The following ATE1 variants were observed in gnomAD, a reference collection of about 807,000 sequenced individuals.
ATE1 encodes the protein arginyltransferase 1.
A neutral mutation model predicts 70.5 loss-of-function variants in ATE1; 36 were observed. The ratio of observed to expected loss-of-function variants is 0.51; its 90% CI spans 0.39 to 0.67. ATE1 has a LOEUF of 0.67. ATE1 is among the 30% of genes least tolerant of loss of function. ATE1 has a pLI of 0.00. For synonymous variants in ATE1, 232 were observed against 219.3 expected (o/e 1.06, Z -0.51); for missense variants, 593 against 629.5 (o/e 0.94, Z 0.62).
intron 10 of ATE1, among the ~76,000 whole-genome samples, chr10:121,815,426 C>T (rs1472928655): frequency 1.1e-4 from 17 of 152,294 alleles, no homozygotes; most frequent in African/African-American, 3.1e-4. Flanking sequence ...TGAGCCACCG[C>T]GCCCGGCCGG....
At chr10:121,789,316 T>TTTTTA (rs1946339293) in intron 11 of ATE1, among the ~76,000 whole-genome samples, 3 of 149,152 alleles carry the variant, frequency 2.0e-5, no homozygotes, top group African/African-American at 5.0e-5. Flanking sequence ...TTTTTTTTTT[T>TTTTTA]GAGACAGAGT....
intron 11 of ATE1, among the ~76,000 whole-genome samples, chr10:121,750,890 G>C (rs1481046287): frequency 6.6e-6 from 1 of 152,138 alleles, no homozygotes; most frequent in Admixed American, 6.5e-5. Flanking sequence ...CTACAAAAAC[G>C]CAACTCTGGA....
intron 2 of ATE1, among the ~76,000 whole-genome samples, chr10:121,923,775 T>C (rs973318479): frequency 6.6e-6 from 1 of 152,154 alleles, no homozygotes; most frequent in Non-Finnish European, 1.5e-5. Context: ...AAAGAAGACA[T>C]TTTTGAGACA....
At chr10:121,841,456 C>CA (rs1471874566) in intron 8 of ATE1, among the ~76,000 whole-genome samples, 193 bp from the exon 9 acceptor site, 4 of 152,052 alleles carry the variant, frequency 2.6e-5, no homozygotes, top group Middle Eastern at 3.4e-3. Flanking sequence ...ATACAAAATT[C>CA]AAAAAGAGAA....
At chr10:121,788,702 C>T (rs766386719) in intron 11 of ATE1, among the ~76,000 whole-genome samples, 12 of 152,104 alleles carry the variant, frequency 7.9e-5, no homozygotes, top group Non-Finnish European at 1.0e-4. Flanking sequence ...ACTTAGACAA[C>T]GGGTGGTAGC....
rs368478538 is a variant in ATE1, at chr10:121,759,719, G to A, written c.1379-15861C>T. ...AGCCTGGGCAACAGAGTGGGACTCC[G>A]TCTCAAAAAAAAAAAAAAAAAAAGT... is the stretch of plus-strand genomic sequence containing the variant. On this transcript the variant is annotated intron_variant, in intron 11 of 11. Transcript: ENST00000224652. Among the ~76,000 whole-genome samples, 46 of 127,786 alleles carry A rather than the reference G, an allele frequency of 3.6e-4. 2 individuals are homozygous for A. The highest frequency in any genetic ancestry group is 7.6e-4 in the African/African-American group (25 of 32,920). 83.8% of individuals were successfully genotyped at this position (127,786 alleles called of 152,430 possible). A position where few individuals can be genotyped will look rare whatever the true frequency, so the allele number is the denominator to read the frequency against.
chr10:121,800,066 T>C (rs559256591), intron 10 of ATE1, among the ~76,000 whole-genome samples: 1 of 152,220 alleles, frequency 6.6e-6, no homozygotes, highest in Non-Finnish European at 1.5e-5. Flanking sequence ...TTTAAAAATC[T>C]TTCTTTTTCC....
Position 121,842,609 on chromosome 10 carries a change from T to C in ATE1, c.976-1346A>G, listed in dbSNP as rs553227504. Among the ~76,000 whole-genome samples the C allele has an allele frequency of 5.0e-4, 76 of 152,244 alleles. 2 individuals carry two copies. In the South Asian group the frequency reaches 0.015, roughly 31 times the overall value. On this transcript the variant is annotated intron_variant, in intron 8 of 11. Transcript: ENST00000224652. ...TTAGCAAATCAAATCCAACAATATA[T>C]AAAAAGAATTATACCATGAACAAAA...
At chr10:121,871,783 CTTAAT>C (rs1238991660) in intron 7 of ATE1, among the ~76,000 whole-genome samples, 3 of 152,008 alleles carry the variant, frequency 2.0e-5, no homozygotes, top group South Asian at 2.1e-4. Flanking sequence ...AGAATTTTTT[CTTAAT>C]TTAAATATCA....
chr10:121,786,359 T>C (rs1273832016), intron 11 of ATE1, among the ~76,000 whole-genome samples: 1 of 152,052 alleles, frequency 6.6e-6, no homozygotes, highest in African/African-American at 2.4e-5. Flanking sequence ...CAAAAAATAA[T>C]AACGCTTTTC....
chr10:121,928,187 G>A (rs1159639868), upstream of ATE1: 1 of 1,294,908 alleles, frequency 7.7e-7, no homozygotes, highest in Admixed American at 4.1e-5. Flanking sequence ...GCCGTCGTCA[G>A]TGAGGGTGAG....
chr10:121,852,505 GTT>G (rs1157573765), intron 8 of ATE1, among the ~76,000 whole-genome samples: 1 of 152,112 alleles, frequency 6.6e-6, no homozygotes, highest in Non-Finnish European at 1.5e-5. Context: ...GAGGTCAGGA[GTT>G]TGAGACCAGC....
At chr10:121,785,490 A>G (rs1300575843) in intron 11 of ATE1, among the ~76,000 whole-genome samples, 1 of 152,170 alleles carries the variant, frequency 6.6e-6, no homozygotes, top group Non-Finnish European at 1.5e-5. Flanking sequence ...CAAACAATCA[A>G]GGTCAGAGTG....
At chr10:121,813,911 G>A (rs1947427469) in intron 10 of ATE1, among the ~76,000 whole-genome samples, 2 of 152,196 alleles carry the variant, frequency 1.3e-5, no homozygotes, top group Non-Finnish European at 2.9e-5. Flanking sequence ...AAACGTGGCT[G>A]TGTACAAAAG....
chr10:121,790,982 G>A (rs1465730992), intron 10 of ATE1, among the ~76,000 whole-genome samples: 2 of 150,264 alleles, frequency 1.3e-5, no homozygotes, highest in East Asian at 3.9e-4. Flanking sequence ...ACATATATGT[G>A]TGTATACATA....
At chr10:121,802,105 C>T (rs928564328) in intron 10 of ATE1, among the ~76,000 whole-genome samples, 1 of 152,002 alleles carries the variant, frequency 6.6e-6, no homozygotes, top group African/African-American at 2.4e-5. Flanking sequence ...AAGTGTGTGC[C>T]CTTAGTCTAT....
intron 8 of ATE1, among the ~76,000 whole-genome samples, chr10:121,847,743 C>G (rs543392914): frequency 9.3e-6 from 1 of 107,440 alleles, no homozygotes; most frequent in East Asian, 2.8e-4. Context: ...GGGGACAGAG[C>G]GAGACTCTGT....
At chr10:121,915,380 G>A (rs1951607487) in intron 3 of ATE1, among the ~76,000 whole-genome samples, 1 of 152,036 alleles carries the variant, frequency 6.6e-6, no homozygotes, top group Admixed American at 6.6e-5. Flanking sequence ...GGTAAAGTCA[G>A]AGACTAGTTT....
chr10:121,832,416 C>T (rs574273110), intron 10 of ATE1, among the ~76,000 whole-genome samples: 11 of 152,278 alleles, frequency 7.2e-5, no homozygotes, highest in African/African-American at 1.9e-4. Flanking sequence ...CAGAGCTCAG[C>T]GTCTGATATG....
Sources: allele counts gnomAD v4.1 joint callset (sites outside exome capture counted in the v4.1 genomes callset), GRCh38; gene constraint gnomAD v4.1.1; transcripts MANE v1.5; gene names NCBI Gene and HGNC (gene_info 2026-07-23, HGNC 2026-07-21).